ELMO1: variants seen among roughly 807,000 people sequenced by gnomAD.
The protein encoded by ELMO1 is engulfment and cell motility protein 1.
ELMO1 carries 26 observed loss-of-function variants against 98.9 expected under a neutral mutation model. The observed-to-expected ratio is 0.26, with a 90% CI of 0.19 to 0.36. The LOEUF (loss-of-function observed/expected upper bound fraction) is 0.36, where lower values mean the gene tolerates loss of function less well. ELMO1 is among the 10% of genes least tolerant of loss of function. ELMO1 has a pLI of 1.00. For synonymous variants in ELMO1, 346 were observed against 346.0 expected (o/e 1.00, Z 0.00); for missense variants, 627 against 935.2 (o/e 0.67, Z 4.30).
intron 4 of ELMO1, among the ~76,000 whole-genome samples, chr7:37,282,960 A>C (rs1797216721): frequency 1.3e-5 from 2 of 152,234 alleles, no homozygotes; most frequent in South Asian, 4.1e-4. Flanking sequence ...AAAAAGAAAG[A>C]ACAAGTATTA....
chr7:37,288,854 T>C (rs1797533484), intron 4 of ELMO1, among the ~76,000 whole-genome samples: 1 of 152,248 alleles, frequency 6.6e-6, no homozygotes, highest in South Asian at 2.1e-4. Flanking sequence ...AAGTCATATT[T>C]CTGGGTCATA....
chr7:37,083,535 A>G (rs1273949584), intron 15 of ELMO1, among the ~76,000 whole-genome samples: 1 of 152,210 alleles, frequency 6.6e-6, no homozygotes, highest in Non-Finnish European at 1.5e-5. Flanking sequence ...TCTTCAGGGA[A>G]AAAAAATGTG....
At chr7:36,862,873 G>A (rs1802743169) in intron 20 of ELMO1, among the ~76,000 whole-genome samples, 1 of 152,200 alleles carries the variant, frequency 6.6e-6, no homozygotes, top group Admixed American at 6.5e-5. Context: ...ATATCTGTTA[G>A]AGGGTTTGTC....
intron 16 of ELMO1, among the ~76,000 whole-genome samples, chr7:36,897,041 A>C (rs535511153): frequency 1.3e-5 from 2 of 152,376 alleles, no homozygotes; most frequent in Admixed American, 1.3e-4. Context: ...CTCATTTTAC[A>C]GATGAAGAAG....
At chr7:37,044,645 T>G (rs189980308) in intron 15 of ELMO1, among the ~76,000 whole-genome samples, 36 of 152,320 alleles carry the variant, frequency 2.4e-4, no homozygotes, top group Middle Eastern at 6.8e-3. Context: ...GTCAGTCTGC[T>G]GGTCTTTGCT....
intron 15 of ELMO1, among the ~76,000 whole-genome samples, chr7:37,014,995 T>C (rs1793831865): frequency 6.6e-6 from 1 of 152,090 alleles, no homozygotes; most frequent in South Asian, 2.1e-4. Flanking sequence ...TACCAAGCTA[T>C]TACACACCAA....
chr7:37,076,165 C>T (rs188411238), intron 15 of ELMO1, among the ~76,000 whole-genome samples: 23 of 152,296 alleles, frequency 1.5e-4, no homozygotes, highest in Non-Finnish European at 3.1e-4. Flanking sequence ...AAAGTCATTT[C>T]GTTACCCCCT....
chr7:36,883,386 A>G (rs2129048258), intron 18 of ELMO1, among the ~76,000 whole-genome samples: 1 of 152,338 alleles, frequency 6.6e-6, no homozygotes, highest in South Asian at 2.1e-4. Flanking sequence ...GATTCTCATG[A>G]AGCAAATAGT....
chr7:37,370,242 G>A (rs1802063980), intron 1 of ELMO1, among the ~76,000 whole-genome samples: 1 of 152,100 alleles, frequency 6.6e-6, no homozygotes, highest in Non-Finnish European at 1.5e-5. Context: ...TTTATCCTTA[G>A]GTCCCATTCA....
chr7:37,030,078 TCTCCAGCTTCTTGGCG>T (rs1270301132), intron 15 of ELMO1, among the ~76,000 whole-genome samples: 1 of 152,138 alleles, frequency 6.6e-6, no homozygotes, highest in African/African-American at 2.4e-5. Flanking sequence ...GCTACTTTCC[TCTCCAGCTTCTTGGCG>T]GCCATCTTTC....
At chr7:37,241,097 T>C (rs1206674609) in intron 7 of ELMO1, among the ~76,000 whole-genome samples, 1 of 152,076 alleles carries the variant, frequency 6.6e-6, no homozygotes, top group African/African-American at 2.4e-5. Flanking sequence ...TTTTTCTCCT[T>C]AGTAGTCAGT....
intron 16 of ELMO1, among the ~76,000 whole-genome samples, chr7:36,896,000 A>G (rs936510987): frequency 6.6e-6 from 1 of 152,208 alleles, no homozygotes; most frequent in Non-Finnish European, 1.5e-5. Context: ...AAATCATACC[A>G]TTGGTCATTA....
At chr7:36,960,916 C>T (rs1334993166) in intron 16 of ELMO1, among the ~76,000 whole-genome samples, 1 of 152,168 alleles carries the variant, frequency 6.6e-6, no homozygotes, top group Non-Finnish European at 1.5e-5. Flanking sequence ...TTCTGCCGCA[C>T]TTGGGGTTTC....
intron 1 of ELMO1, among the ~76,000 whole-genome samples, chr7:37,383,892 T>C (rs973362921): frequency 3.9e-5 from 6 of 152,194 alleles, no homozygotes; most frequent in African/African-American, 1.4e-4. Context: ...CTCGGCTCAC[T>C]GCAAGCTCCG....
chr7:37,319,027 T>C (rs1417111732), intron 2 of ELMO1, among the ~76,000 whole-genome samples: 1 of 152,172 alleles, frequency 6.6e-6, no homozygotes, highest in Non-Finnish European at 1.5e-5. Flanking sequence ...CCAGATTTCT[T>C]TTCTCCTCTT....
Position 37,216,675 on chromosome 7 carries a change from A to G in ELMO1, c.801T>C (p.Ala267=). 6.2e-7 allele frequency: 1 copy of G among 1,614,152 alleles called. No homozygotes were observed. Among genetic ancestry groups the G allele is most frequent in the South Asian group, 1.1e-5 (1 of 91,076 alleles). ...ERRQEMANIL[A]QKQLRSIILT... is the part of the protein sequence containing the mutation. ...AAATGATGGAACGCAGTTGCTTCTG[A>G]GCCAAAATATTCGCCATCTCCTGTG... The change falls in exon 11 of 22, where the codon GCT becomes GCC. Residue 267 remains alanine, a synonymous_variant. Coordinates refer to ENST00000310758, the MANE Select transcript of ELMO1 (RefSeq NM_014800.11).
At chr7:37,144,164 A>G (rs904886187) in intron 13 of ELMO1, among the ~76,000 whole-genome samples, 6 of 28,152 alleles carry the variant, frequency 2.1e-4, no homozygotes, top group Non-Finnish European at 5.0e-4. Context: ...TTGATTTTCA[A>G]TGACGTGCCT....
At chr7:37,283,804 G>A (rs1256321318) in intron 4 of ELMO1, among the ~76,000 whole-genome samples, 2 of 152,170 alleles carry the variant, frequency 1.3e-5, no homozygotes, top group Admixed American at 6.6e-5. Context: ...CACAGCCAGC[G>A]GCCAGCTGCT....
intron 15 of ELMO1, among the ~76,000 whole-genome samples, chr7:37,052,613 A>T (rs1466572854): frequency 6.6e-6 from 1 of 152,184 alleles, no homozygotes; most frequent in East Asian, 1.9e-4. Flanking sequence ...TATGAATGTG[A>T]TGTTTCACCT....
Sources: gnomAD v4.1 joint callset for allele counts (sites outside exome capture counted in the v4.1 genomes callset) on GRCh38, gnomAD v4.1.1 for gene constraint, MANE v1.5 for transcripts, NCBI Gene and HGNC (gene_info 2026-07-23, HGNC 2026-07-21) for gene names.